The following SYT16 variants were observed in gnomAD, a reference collection of about 807,000 sequenced individuals.
The protein encoded by SYT16 is synaptotagmin 16, also known as synaptotagmin-16.
In SYT16, 42 loss-of-function variants were observed where a neutral mutation model predicts 61.4. That is an observed-to-expected ratio of 0.68 (90% confidence interval 0.53 to 0.89). SYT16 has a LOEUF of 0.89. Ranked by LOEUF, SYT16 falls within the 40% of genes least tolerant of loss-of-function variation. The pLI is 0.00. For missense variants in SYT16, 804 were observed against 807.3 expected (o/e 1.00, Z 0.05); for synonymous variants, 314 against 302.3 (o/e 1.04, Z -0.40).
At chr14:61,861,554 G>T (rs1350889449) in intron 1 of SYT16, among the ~76,000 whole-genome samples, 4 of 152,076 alleles carry the variant, frequency 2.6e-5, no homozygotes, top group African/African-American at 9.7e-5. Flanking sequence ...ACAGGCACGT[G>T]CCACCATGCC....
chr14:62,075,833 A>G (rs942295952), intron 5 of SYT16, among the ~76,000 whole-genome samples: 23 of 152,320 alleles, frequency 1.5e-4, no homozygotes, highest in Middle Eastern at 3.4e-3. Context: ...TATGAAAATT[A>G]TTTGAAAATT....
intron 6 of SYT16, 42 bp downstream of exon 6, chr14:62,081,316 G>A (rs985565115): frequency 1.3e-5 from 20 of 1,560,322 alleles, no homozygotes; most frequent in South Asian, 9.6e-5. Context: ...TGGTGTGTTC[G>A]AAGACCTGGG....
rs2052747520 is a variant in SYT16, at chr14:61,995,902, A to ACAGC, written c.-115_-112dup. 3.0e-6 allele frequency: 3 copies of ACAGC among 1,015,392 alleles called. No homozygotes were observed. The South Asian group carries it at 6.2e-5, about 21-fold the overall frequency. 62.9% of individuals were successfully genotyped at this position (1,015,392 alleles called of 1,614,324 possible). ...TGGAAGTTTTGAGAGTGAAATATTC[A>ACAGC]CAGCCATTAAGAGACCTCCAAATTA... On this transcript the variant is annotated 5_prime_UTR_variant, in exon 3 of 8. An upstream open reading frame in the 5' UTR gains an earlier in-frame stop. Transcript: ENST00000683842.
chr14:61,905,206 A>G lies in SYT16; in HGVS notation c.-324-64926A>G, dbSNP rs2048658273. 2.6e-5 allele frequency among the ~76,000 whole-genome samples: 4 copies of G among 152,202 alleles called. No individual in the cohort carries two copies. In the South Asian group the frequency reaches 8.3e-4, roughly 32 times the overall value. On this transcript the variant is annotated intron_variant, in intron 1 of 7. Transcript: ENST00000683842. ...AGATGCCTGAAATTCCATCTAAACCATTCTTTTAGCTTAAAATCATGATTT... is the reference window on the plus strand; with the variant it reads ...AGATGCCTGAAATTCCATCTAAACCGTTCTTTTAGCTTAAAATCATGATTT...
At chr14:61,938,623 G>A (rs1309978597) in intron 1 of SYT16, among the ~76,000 whole-genome samples, 4 of 152,140 alleles carry the variant, frequency 2.6e-5, no homozygotes, top group African/African-American at 9.7e-5. Flanking sequence ...ACAAGCAAAA[G>A]GATTTAAGGG....
chr14:61,985,320 A>G (rs956420615), intron 2 of SYT16, among the ~76,000 whole-genome samples: 1 of 152,194 alleles, frequency 6.6e-6, no homozygotes, highest in Non-Finnish European at 1.5e-5. Context: ...GAGACTTTCA[A>G]TTTATGAATG....
At chr14:61,943,460 G>A (rs1256855996) in intron 1 of SYT16, among the ~76,000 whole-genome samples, 1 of 152,184 alleles carries the variant, frequency 6.6e-6, no homozygotes, top group Non-Finnish European at 1.5e-5. Context: ...TATCCCTCAT[G>A]AACATTGATG....
intron 3 of SYT16, among the ~76,000 whole-genome samples, chr14:62,031,471 T>C (rs757698167): frequency 6.6e-5 from 10 of 152,196 alleles, no homozygotes; most frequent in Non-Finnish European, 1.2e-4. Flanking sequence ...GAACAGGTAG[T>C]TGAACTTTCG....
intron 5 of SYT16, chr14:62,079,358 A>G: frequency 8.2e-7 from 1 of 1,218,780 alleles, no homozygotes; most frequent in Non-Finnish European, 1.1e-6. Flanking sequence ...GAATCTTAAA[A>G]GAAAAGGATA....
At chr14:61,878,728 G>A (rs567217234) in intron 1 of SYT16, among the ~76,000 whole-genome samples, 3 of 152,070 alleles carry the variant, frequency 2.0e-5, no homozygotes, top group South Asian at 2.1e-4. Context: ...AAATAAATTC[G>A]AAGCTCTCCC....
chr14:61,957,203 TA>T (rs60926564), intron 1 of SYT16, among the ~76,000 whole-genome samples: 61,826 of 151,020 alleles, frequency 0.41, 13,237 homozygotes, highest in East Asian at 0.74. Context: ...AGTTTTTTAT[TA>T]TTTTTTTTAA....
intron 3 of SYT16, among the ~76,000 whole-genome samples, chr14:62,055,221 C>T (rs2055495656): frequency 6.6e-6 from 1 of 152,146 alleles, no homozygotes; most frequent in Admixed American, 6.5e-5. Context: ...TATGCAAATG[C>T]CACCATAGTA....
At chr14:62,085,216 T>A (rs911790039) in intron 7 of SYT16, among the ~76,000 whole-genome samples, 2 of 152,228 alleles carry the variant, frequency 1.3e-5, no homozygotes, top group African/African-American at 2.4e-5. Flanking sequence ...GCTTACCTTT[T>A]TATGATCTTG....
intron 3 of SYT16, among the ~76,000 whole-genome samples, chr14:62,059,792 A>G (rs2055744170): frequency 6.6e-6 from 1 of 151,122 alleles, no homozygotes; most frequent in Non-Finnish European, 1.5e-5. Flanking sequence ...ACACACACAC[A>G]CACACACACT....
chr14:62,038,419 C>T (rs929058515), intron 3 of SYT16, among the ~76,000 whole-genome samples: 1 of 151,876 alleles, frequency 6.6e-6, no homozygotes, highest in African/African-American at 2.4e-5. Context: ...CCCCTGTCCA[C>T]GTCCTGTTTA....
chr14:61,878,904 T>C (rs180820652), intron 1 of SYT16, among the ~76,000 whole-genome samples: 2 of 152,266 alleles, frequency 1.3e-5, no homozygotes, highest in Admixed American at 1.3e-4. Flanking sequence ...CTAGGCGCTA[T>C]TAGGGGATTT....
intron 3 of SYT16, among the ~76,000 whole-genome samples, chr14:62,022,236 G>C (rs1313755521): frequency 6.6e-6 from 1 of 151,950 alleles, no homozygotes; most frequent in Non-Finnish European, 1.5e-5. Context: ...CAGTTTGCTG[G>C]TTATGAATTT....
At chr14:61,971,539 G>C (rs1400916551) in intron 2 of SYT16, among the ~76,000 whole-genome samples, 1 of 152,186 alleles carries the variant, frequency 6.6e-6, no homozygotes, top group Non-Finnish European at 1.5e-5. Context: ...AGAAAGCAAG[G>C]AGCCACTGCT....
intron 1 of SYT16, among the ~76,000 whole-genome samples, chr14:61,961,092 C>T (rs1171735240): frequency 6.6e-6 from 1 of 152,162 alleles, no homozygotes; most frequent in East Asian, 1.9e-4. Context: ...GGGACACCTT[C>T]TTTACACCAT....
Sources: gnomAD v4.1 joint callset for allele counts (sites outside exome capture counted in the v4.1 genomes callset) on GRCh38, gnomAD v4.1.1 for gene constraint, MANE v1.5 for transcripts, NCBI Gene and HGNC (gene_info 2026-07-23, HGNC 2026-07-21) for gene names.